PCDHA2: variants seen among roughly 807,000 people sequenced by gnomAD.
The protein encoded by PCDHA2 is protocadherin alpha-2.
Under a neutral mutation model 66.0 loss-of-function variants are expected in PCDHA2, and 58 were observed. That is an observed-to-expected ratio of 0.88 (90% CI 0.71 to 1.09). The LOEUF is 1.09. Ranked by LOEUF, PCDHA2 falls within the 50% of genes least tolerant of loss-of-function variation. PCDHA2 has a pLI of 0.00. For missense variants in PCDHA2, 1,267 were observed against 1,242.3 expected (o/e 1.02, Z -0.30); for synonymous variants, 634 against 554.0 (o/e 1.14, Z -2.03).
intron 1 of PCDHA2, chr5:140,830,919 GTTTTTCTGTCGACAC>G: frequency 6.6e-6 from 1 of 152,324 alleles, no homozygotes; most frequent in Admixed American, 6.5e-5. Context: ...CCATTTCAAT[GTTTTTCTGTCGACAC>G]TTTTATTAAG....
rs144324178 is a variant in PCDHA2, at chr5:140,795,111, G to A, written c.147G>A (p.Ala49=). The A allele has an allele frequency of 1.1e-5, 17 of 1,614,062 alleles. No homozygotes were observed. The African/African-American group carries it at 1.7e-4, about 16-fold the overall frequency. ...ACGGCACCTTCGTGGGCCGCATCGC[G>A]CAGGACCTGGGGCTGGAGCTGGAGG... ...AKHGTFVGRI[A]QDLGLELEEL... Residue 49 remains alanine (A), a synonymous_variant, in exon 1 of 4, where the codon GCG becomes GCA. Coordinates refer to ENST00000526136, the MANE Select transcript of PCDHA2 (RefSeq NM_018905.3).
Position 140,795,103 on chromosome 5 carries a change from C to G in PCDHA2, c.139C>G (p.Arg47Gly). Reference protein sequence around the residue: ...EEAKHGTFVGRIAQDLGLELE... With the variant: ...EEAKHGTFVGGIAQDLGLELE... ...GGCCAAACACGGCACCTTCGTGGGCCGCATCGCGCAGGACCTGGGGCTGGA... is the reference window on the plus strand; with the variant it reads ...GGCCAAACACGGCACCTTCGTGGGCGGCATCGCGCAGGACCTGGGGCTGGA... The change falls in exon 1 of 4, where the codon CGC becomes GGC. Residue 47 changes from arginine to glycine, a missense_variant. Physicochemically the swap from Arg to Gly is moderately radical, Grantham distance 125 (BLOSUM62 -2). Coordinates refer to ENST00000526136, the MANE Select transcript of PCDHA2 (RefSeq NM_018905.3). 3.1e-6 allele frequency: 5 copies of G among 1,614,036 alleles called. No homozygotes were observed. The highest frequency in any genetic ancestry group is 4.2e-6 in the Non-Finnish European group (5 of 1,180,042).
chr5:140,798,758 A>G (rs1469327258), intron 1 of PCDHA2, among the ~76,000 whole-genome samples: 1 of 152,198 alleles, frequency 6.6e-6, no homozygotes, highest in Non-Finnish European at 1.5e-5. Flanking sequence ...GGTAATTATA[A>G]CACTGAACTC....
chr5:140,977,541 G>A (rs1164108305), intron 1 of PCDHA2, among the ~76,000 whole-genome samples: 2 of 152,188 alleles, frequency 1.3e-5, no homozygotes, highest in Non-Finnish European at 2.9e-5. Context: ...GAAGCAGCTT[G>A]CATATGCATA....
rs1365314674 is a variant in PCDHA2, at chr5:140,850,378, C to A, written c.2388+53026C>A. 1.3e-6 allele frequency: 2 copies of A among 1,597,842 alleles called. No homozygotes were observed. Among genetic ancestry groups the A allele is most frequent in the East Asian group, 2.2e-5 (1 of 44,846 alleles). On this transcript the variant is annotated intron_variant, in intron 1 of 3. Transcript: ENST00000526136. ...ATCCCGTTCCGCGTGGGGCTGTACA[C>A]GGGCGAGATCAGCACAACGCGTGCC...
At chr5:140,903,269 G>A (rs1251669520) in intron 1 of PCDHA2, among the ~76,000 whole-genome samples, 4 of 152,140 alleles carry the variant, frequency 2.6e-5, no homozygotes, top group African/African-American at 4.8e-5. Context: ...CAGGAGTGAG[G>A]TAGTGTCTCA....
chr5:140,876,051 A>G, intron 1 of PCDHA2: 2 of 1,613,956 alleles, frequency 1.2e-6, no homozygotes, highest in African/African-American at 2.7e-5. Flanking sequence ...TATTGCCTGA[A>G]TTAGTTCTTC....
chr5:140,807,519 A>C, intron 1 of PCDHA2: 1 of 1,614,094 alleles, frequency 6.2e-7, no homozygotes, highest in Non-Finnish European at 8.5e-7. Flanking sequence ...GTGATCGTAG[A>C]CAGGCCGCTG....
intron 1 of PCDHA2, chr5:140,802,901 T>A: frequency 1.2e-6 from 2 of 1,613,748 alleles, no homozygotes; most frequent in Non-Finnish European, 1.7e-6. Flanking sequence ...TGCTGATGCC[T>A]CGGGTGGGTG....
chr5:140,959,578 A>G (rs1554224156), intron 1 of PCDHA2, among the ~76,000 whole-genome samples: 1 of 152,188 alleles, frequency 6.6e-6, no homozygotes, highest in Non-Finnish European at 1.5e-5. Flanking sequence ...TTTTGTTTCA[A>G]TTCTATCAGC....
At chr5:140,870,819 G>C (rs1365807310) in intron 1 of PCDHA2, 3 of 1,613,714 alleles carry the variant, frequency 1.9e-6, no homozygotes, top group South Asian at 1.1e-5. Flanking sequence ...CTGGCAGCGC[G>C]GGAGGCGCAG....
chr5:140,807,430 T>C (rs1554124007), intron 1 of PCDHA2: 3 of 1,597,568 alleles, frequency 1.9e-6, no homozygotes, highest in Non-Finnish European at 2.6e-6. Context: ...ATCTGCAGAA[T>C]GGCATTTTGT....
chr5:140,908,090 G>A (rs1198966409), intron 1 of PCDHA2, among the ~76,000 whole-genome samples: 1 of 152,200 alleles, frequency 6.6e-6, no homozygotes. Flanking sequence ...CAGGTGCACT[G>A]ATTGAAGTTC....
At chr5:140,986,828 G>C (rs1001117075) in intron 3 of PCDHA2, among the ~76,000 whole-genome samples, 2 of 152,146 alleles carry the variant, frequency 1.3e-5, no homozygotes, top group African/African-American at 2.4e-5. Flanking sequence ...TTTAGACAAT[G>C]GTTCTCAAAG....
At position 140,797,136 on chromosome 5, in the gene PCDHA2, G is replaced by A. The variant is rs1554120303; in HGVS notation, c.2172G>A (p.Ser724=). Residue 724 remains serine (S), a synonymous_variant, in exon 1 of 4, where the codon TCG becomes TCA. Coordinates refer to ENST00000526136, the MANE Select transcript of PCDHA2 (RefSeq NM_018905.3). ...TVLLYTALRC[S]VPPTEGARAP... Reference sequence around the variant, plus strand: ...TGCTGTACACTGCGCTGCGGTGCTCGGTGCCACCCACCGAGGGTGCGCGCG... The same window carrying A: ...TGCTGTACACTGCGCTGCGGTGCTCAGTGCCACCCACCGAGGGTGCGCGCG... The A allele has an allele frequency of 5.6e-6, 9 of 1,613,978 alleles. No individual in the cohort carries two copies. In the Admixed American group the frequency reaches 8.3e-5, roughly 15 times the overall value.
intron 1 of PCDHA2, chr5:140,804,763 T>C (rs1030338328): frequency 1.6e-4 from 39 of 241,298 alleles, no homozygotes; most frequent in African/African-American, 8.3e-4. Flanking sequence ...TAGCAATTAG[T>C]TGGACTCCCA....
At position 141,011,990 on chromosome 5, in the gene PCDHA2, T is replaced by C. The variant is rs1554263765; in HGVS notation, c.*2053T>C. On this transcript the variant is annotated 3_prime_UTR_variant, in exon 4 of 4. Transcript: ENST00000526136. ...ACTGTCTTGTCTACTTTTAGCTTCA[T>C]TCTCCCATATTTTGAAGGGTGTGTA... 1 of 153,772 alleles carries C rather than the reference T, an allele frequency of 6.5e-6. No homozygotes were observed. The highest frequency in any genetic ancestry group is 1.5e-5 in the Non-Finnish European group (1 of 68,038). 9.5% of individuals were successfully genotyped at this position (153,772 alleles called of 1,614,324 possible). A position where few individuals can be genotyped will look rare whatever the true frequency, so the allele number is the denominator to read the frequency against.
chr5:140,929,285 T>C, intron 1 of PCDHA2: 15 of 1,600,688 alleles, frequency 9.4e-6, no homozygotes, highest in Non-Finnish European at 1.3e-5. Flanking sequence ...TGTATTCAGA[T>C]TCGGAATAGG....
At chr5:141,002,312 C>T (rs1171531371) in intron 3 of PCDHA2, among the ~76,000 whole-genome samples, 1 of 152,230 alleles carries the variant, frequency 6.6e-6, no homozygotes, top group East Asian at 1.9e-4. Flanking sequence ...GGGGCCGAAA[C>T]CTGGAGGCCG....
Sources: gnomAD v4.1 joint callset for allele counts (sites outside exome capture counted in the v4.1 genomes callset) on GRCh38, gnomAD v4.1.1 for gene constraint, MANE v1.5 for transcripts, NCBI Gene and HGNC (gene_info 2026-07-23, HGNC 2026-07-21) for gene names.